Variants in KIAA1217 observed in about 807,000 individuals in gnomAD.
The protein encoded by KIAA1217 is sickle tail protein homolog.
KIAA1217 carries 88 observed loss-of-function variants against 163.9 expected under a neutral mutation model. The ratio of observed to expected loss-of-function variants is 0.54; its 90% confidence interval spans 0.45 to 0.64. The LOEUF is 0.64. Among genes scored for constraint, KIAA1217 ranks in the 30% least tolerant of loss-of-function variants. The probability of loss-of-function intolerance (pLI) is 0.00; values close to 1 mark genes in which losing one functional copy is unlikely to be tolerated. For synonymous variants in KIAA1217, 903 were observed against 923.1 expected (o/e 0.98, Z 0.39); for missense variants, 2,372 against 2,475.0 (o/e 0.96, Z 0.88).
chr10:24,118,560 AC>A (rs1268100718), intron 2 of KIAA1217, among the ~76,000 whole-genome samples: 1 of 152,198 alleles, frequency 6.6e-6, no homozygotes, highest in Non-Finnish European at 1.5e-5. Flanking sequence ...TTGCTGTAAA[AC>A]AGCACCGGGC....
chr10:23,711,265 GA>G, intron 1 of KIAA1217, among the ~76,000 whole-genome samples: 1 of 152,308 alleles, frequency 6.6e-6, no homozygotes, highest in South Asian at 2.1e-4. Flanking sequence ...GAAAGCAAAA[GA>G]GACTTTGCAG....
At position 24,545,820 on chromosome 10, in the gene KIAA1217, T is replaced by C. The variant is rs747662468; in HGVS notation, c.5335-7T>C. On this transcript the variant is annotated splice_region_variant and splice_polypyrimidine_tract_variant and intron_variant, in intron 20 of 20. Transcript: ENST00000376454. ...GACAAAATGTCTCCCGCCATCTTTA[T>C]TTGCAGGCTAATGGAAGTGCTAAGA... 1 of 1,571,816 alleles carries C rather than the reference T, an allele frequency of 6.4e-7. No homozygotes were observed. The highest frequency in any genetic ancestry group is 1.8e-5 in the Admixed American group (1 of 54,204).
chr10:24,016,772 A>G (rs1029582521), intron 2 of KIAA1217, among the ~76,000 whole-genome samples: 1 of 152,212 alleles, frequency 6.6e-6, no homozygotes, highest in East Asian at 1.9e-4. Context: ...TAAGCATAGT[A>G]ACTAAAGTAC....
intron 6 of KIAA1217, among the ~76,000 whole-genome samples, chr10:24,477,986 A>G (rs1207998814): frequency 6.6e-6 from 1 of 152,246 alleles, no homozygotes; most frequent in Admixed American, 6.5e-5. Flanking sequence ...TTGCAATTTC[A>G]TAATATTAAA....
intron 1 of KIAA1217, among the ~76,000 whole-genome samples, chr10:23,754,110 G>A (rs575074736): frequency 6.6e-6 from 1 of 152,214 alleles, no homozygotes; most frequent in South Asian, 2.1e-4. Context: ...TGAGCACCTG[G>A]GTAGCAGCCA....
At chr10:24,142,607 A>G (rs919938111) in intron 2 of KIAA1217, among the ~76,000 whole-genome samples, 1 of 152,204 alleles carries the variant, frequency 6.6e-6, no homozygotes, top group Non-Finnish European at 1.5e-5. Flanking sequence ...TCTATAAAAA[A>G]ATAAATAAAC....
intron 2 of KIAA1217, among the ~76,000 whole-genome samples, chr10:24,177,670 A>G (rs1268879187): frequency 6.6e-6 from 1 of 151,938 alleles, no homozygotes; most frequent in Non-Finnish European, 1.5e-5. Flanking sequence ...CTCAGAAAAA[A>G]AGTACACAAA....
intron 12 of KIAA1217, 91 bp from the exon 13 acceptor site, chr10:24,524,232 C>T (rs2071750082): frequency 7.3e-7 from 1 of 1,366,418 alleles, no homozygotes; most frequent in Non-Finnish European, 1.0e-6. Flanking sequence ...ATGTGTGACT[C>T]TCACCTGGCT....
At position 24,373,337 on chromosome 10, in the gene KIAA1217, C is replaced by T. The variant is rs1485945722; in HGVS notation, c.355-7532C>T. Among the ~76,000 whole-genome samples the T allele has an allele frequency of 1.1e-4, 16 of 152,136 alleles. No homozygotes were observed. The South Asian group carries it at 1.7e-3, about 16-fold the overall frequency. On this transcript the variant is annotated intron_variant, in intron 2 of 20. Transcript: ENST00000376454. The stretch of plus-strand genomic sequence containing the variant: ...GAAGTCATCCACTCCCCTCTTCCTG[C>T]GCAATTAGGAACTTCCTCCTTTCCC...
intron 2 of KIAA1217, among the ~76,000 whole-genome samples, chr10:24,337,543 C>T (rs1005433616): frequency 1.3e-5 from 2 of 152,020 alleles, no homozygotes; most frequent in African/African-American, 4.8e-5. Context: ...TCTTAATCTG[C>T]AGACTTAAAT....
chr10:24,471,471 A>T (rs560835797), intron 5 of KIAA1217, among the ~76,000 whole-genome samples: 7 of 148,138 alleles, frequency 4.7e-5, no homozygotes, highest in East Asian at 2.0e-4. Flanking sequence ...ATCCTGAGTT[A>T]TTTTTTTTTT....
At chr10:23,731,946 T>G (rs945452894) in intron 1 of KIAA1217, among the ~76,000 whole-genome samples, 2 of 152,190 alleles carry the variant, frequency 1.3e-5, no homozygotes, top group African/African-American at 4.8e-5. Context: ...ATACCTGGGA[T>G]AAATCTCACT....
intron 2 of KIAA1217, among the ~76,000 whole-genome samples, chr10:24,084,304 C>A (rs1248317247): frequency 6.6e-6 from 1 of 152,198 alleles, no homozygotes; most frequent in Non-Finnish European, 1.5e-5. Flanking sequence ...ATGTAAGCCC[C>A]ACGTGGGCAA....
chr10:24,164,204 C>T (rs2065241212), intron 2 of KIAA1217, among the ~76,000 whole-genome samples: 1 of 152,134 alleles, frequency 6.6e-6, no homozygotes, highest in Non-Finnish European at 1.5e-5. Flanking sequence ...CACCCAGTTG[C>T]TTATCGTTTA....
rs773055132 is a variant in KIAA1217, at chr10:24,034,562, C to CAAA, written c.-171+27204_-171+27206dup. Among the ~76,000 whole-genome samples, 165 of 110,220 alleles carry CAAA rather than the reference C, an allele frequency of 1.5e-3. 3 individuals carry two copies. The highest frequency in any genetic ancestry group is 9.4e-3 in the East Asian group (34 of 3,634). 72.3% of individuals were successfully genotyped at this position (110,220 alleles called of 152,430 possible). A position where few individuals can be genotyped will look rare whatever the true frequency, so the allele number is the denominator to read the frequency against. On this transcript the variant is annotated intron_variant, in intron 2 of 18. Transcript: ENST00000376462. ...TGGGCAATAAGATGAGACCCTGTCT[C>CAAA]AAAAAAAAAAAAAAAAAAGTAGAAG... is the stretch of plus-strand genomic sequence containing the variant.
chr10:24,502,331 A>C (rs2067763072), intron 9 of KIAA1217, among the ~76,000 whole-genome samples: 1 of 149,476 alleles, frequency 6.7e-6, no homozygotes, highest in African/African-American at 2.5e-5. Flanking sequence ...ATTCATAAGG[A>C]AAAAAAGCCA....
chr10:23,769,321 T>C (rs1033598442), intron 1 of KIAA1217, among the ~76,000 whole-genome samples: 1 of 152,192 alleles, frequency 6.6e-6, no homozygotes, highest in African/African-American at 2.4e-5. Context: ...TGATCCATTA[T>C]GTGCAGGGTA....
At chr10:23,832,401 G>T (rs1838249949) in intron 1 of KIAA1217, among the ~76,000 whole-genome samples, 1 of 152,174 alleles carries the variant, frequency 6.6e-6, no homozygotes, top group African/African-American at 2.4e-5. Flanking sequence ...TCACCAACCA[G>T]GAAGCTTTCT....
intron 2 of KIAA1217, among the ~76,000 whole-genome samples, chr10:24,380,364 G>A (rs1305016864): frequency 7.2e-5 from 11 of 151,918 alleles, no homozygotes; most frequent in Admixed American, 2.0e-4. Flanking sequence ...AGCGGGTCAC[G>A]CCTATAATCC....
Sources: allele counts gnomAD v4.1 joint callset (sites outside exome capture counted in the v4.1 genomes callset), GRCh38; gene constraint gnomAD v4.1.1; transcripts MANE v1.5; gene names NCBI Gene and HGNC (gene_info 2026-07-23, HGNC 2026-07-21).